The following NOSTRIN variants were observed in gnomAD, a reference collection of about 807,000 sequenced individuals.
The protein encoded by NOSTRIN is BM247 homolog.
NOSTRIN carries 63 observed loss-of-function variants against 59.0 expected under a neutral mutation model. The ratio of observed to expected loss-of-function variants is 1.07; its 90% confidence interval spans 0.87 to 1.32. The LOEUF (loss-of-function observed/expected upper bound fraction) is 1.32, where lower values mean the gene tolerates loss of function less well. Ranked by LOEUF, NOSTRIN falls within the 40% of genes most tolerant of loss-of-function variation. The probability of loss-of-function intolerance (pLI) is 0.00; values close to 1 mark genes in which losing one functional copy is unlikely to be tolerated. For missense variants in NOSTRIN, 512 were observed against 473.1 expected, an observed-to-expected ratio of 1.08 and a Z score of -0.76; for synonymous variants, 200 against 165.4, an observed-to-expected ratio of 1.21 and a Z score of -1.61.
chr2:168,855,338 C>G lies in NOSTRIN; in HGVS notation c.856-14C>G. ...TTCTTCCCCCTTGTTAGACATCCTT[C>G]TTTTTTCCTAAAGGAAGAAGATCCT... On this transcript the variant is annotated splice_polypyrimidine_tract_variant and intron_variant, in intron 10 of 15. Coordinates refer to ENST00000317647, the MANE Select transcript of NOSTRIN (RefSeq NM_001039724.4). 7.0e-7 allele frequency: 1 copy of G among 1,436,302 alleles called. No individual in the cohort carries two copies. The highest frequency in any genetic ancestry group is 9.6e-7 in the Non-Finnish European group (1 of 1,037,586). 89.0% of individuals were successfully genotyped at this position (1,436,302 alleles called of 1,614,324 possible).
intron 2 of NOSTRIN, among the ~76,000 whole-genome samples, chr2:168,821,200 G>T (rs942854907): frequency 1.3e-5 from 2 of 152,186 alleles, no homozygotes; most frequent in Non-Finnish European, 2.9e-5. Context: ...GGAAAGAAAA[G>T]ACCTAAAAAG....
upstream of NOSTRIN, among the ~76,000 whole-genome samples, chr2:168,801,770 C>A (rs1341394429): frequency 6.6e-6 from 1 of 152,096 alleles, no homozygotes; most frequent in Non-Finnish European, 1.5e-5. Context: ...CAACTGGGAC[C>A]ACAGGTACAG....
intron 11 of NOSTRIN, chr2:168,856,305 T>A (rs964325386): frequency 3.7e-5 from 9 of 243,278 alleles, no homozygotes; most frequent in Admixed American, 1.0e-4. Context: ...GGCTGGGTGC[T>A]GTGGCTCACG....
intron 8 of NOSTRIN, among the ~76,000 whole-genome samples, chr2:168,844,603 C>A (rs777443853): frequency 1.1e-4 from 17 of 152,024 alleles, no homozygotes; most frequent in Admixed American, 6.5e-5. Flanking sequence ...TCAGCCTGGG[C>A]GGCACGCCTG....
At chr2:168,834,137 C>T (rs1003123837) in intron 6 of NOSTRIN, 90 bp from the exon 7 acceptor site, 2 of 713,188 alleles carry the variant, frequency 2.8e-6, no homozygotes, top group Non-Finnish European at 5.0e-6. Flanking sequence ...AAAGCTAGCA[C>T]ATGAATGTGC....
chr2:168,835,660 C>T (rs1412831350), intron 7 of NOSTRIN, among the ~76,000 whole-genome samples: 1 of 152,138 alleles, frequency 6.6e-6, no homozygotes, highest in Non-Finnish European at 1.5e-5. Flanking sequence ...ATGTCAATGG[C>T]CACATGTCCC....
At chr2:168,787,476 C>G (rs1452306055) in intron 1 of NOSTRIN, among the ~76,000 whole-genome samples, 3 of 152,188 alleles carry the variant, frequency 2.0e-5, no homozygotes, top group African/African-American at 7.2e-5. Context: ...AAAGCCTTAG[C>G]CTTTGGGAAT....
chr2:168,863,913 T>TTTTA (rs1287429989), intron 15 of NOSTRIN, among the ~76,000 whole-genome samples: 3 of 151,468 alleles, frequency 2.0e-5, no homozygotes, highest in African/African-American at 7.3e-5. Context: ...CGTGATCTTT[T>TTTTA]TTTATTTTTT....
At chr2:168,835,781 C>G (rs1028246334) in intron 7 of NOSTRIN, among the ~76,000 whole-genome samples, 2 of 152,080 alleles carry the variant, frequency 1.3e-5, no homozygotes, top group African/African-American at 4.8e-5. Flanking sequence ...TGTGTGAGCA[C>G]CAGTGTAGAC....
intron 2 of NOSTRIN, 98 bp downstream of exon 2, chr2:168,811,750 T>G (rs1050524676): frequency 3.6e-6 from 2 of 551,098 alleles, no homozygotes; most frequent in African/African-American, 4.0e-5. Flanking sequence ...CTTTCCAGAA[T>G]GTGGTGTTAT....
chr2:168,795,950 C>A (rs1037497503), upstream of NOSTRIN, among the ~76,000 whole-genome samples: 2 of 152,128 alleles, frequency 1.3e-5, no homozygotes, highest in Non-Finnish European at 2.9e-5. Context: ...AAGGCCGAAA[C>A]CCTTAAAAAA....
chr2:168,835,614 C>T lies in NOSTRIN; in HGVS notation c.504+1289C>T, dbSNP rs770209054. 1.6e-4 allele frequency among the ~76,000 whole-genome samples: 25 copies of T among 152,216 alleles called. 1 individual carries two copies. Among genetic ancestry groups the T allele is most frequent in the Non-Finnish European group, 2.9e-4 (20 of 68,018 alleles). On this transcript the variant is annotated intron_variant, in intron 7 of 15. Transcript: ENST00000317647. Reference sequence around the variant, plus strand: ...TTTGTGTATGTTAACCTAACTGGAGCCAGAAAATGTCTGTAAAATCACATG... The same window carrying T: ...TTTGTGTATGTTAACCTAACTGGAGTCAGAAAATGTCTGTAAAATCACATG...
rs772890682 is a variant in NOSTRIN, at chr2:168,828,208, C to A, written c.248C>A (p.Ala83Glu). ...GCCTCAGAGGGAATGAAATCCACAG[C>A]GGACCTGCATCAGTGAGTTCTCCCA... Reference protein sequence around the residue: ...AWASEGMKSTADLHQKLGKAI... With the variant: ...AWASEGMKSTEDLHQKLGKAI... The change falls in exon 4 of 16, where the codon GCG (alanine) becomes GAG (glutamate). Residue 83 changes from alanine to glutamate, a missense_variant. Ala to Glu is a moderately radical substitution (Grantham distance 107). Coordinates refer to ENST00000317647, the MANE Select transcript of NOSTRIN (RefSeq NM_001039724.4). 1.6e-5 allele frequency: 14 copies of A among 872,924 alleles called. No individual in the cohort carries two copies. The highest frequency in any genetic ancestry group is 2.8e-5 in the Non-Finnish European group (14 of 501,680). 54.1% of individuals were successfully genotyped at this position (872,924 alleles called of 1,614,324 possible).
At chr2:168,807,359 C>T (rs928338797) in intron 1 of NOSTRIN, among the ~76,000 whole-genome samples, 1 of 152,122 alleles carries the variant, frequency 6.6e-6, no homozygotes, top group South Asian at 2.1e-4. Context: ...GTTTTTGTCT[C>T]CAAGTCTCAG....
intron 12 of NOSTRIN, chr2:168,859,192 A>C (rs35073023): frequency 0.1 from 22,157 of 219,280 alleles, 1,257 homozygotes; most frequent in Non-Finnish European, 0.13. Flanking sequence ...TACAATCAAC[A>C]CTTATCCCCT....
At chr2:168,808,962 C>T (rs1686004007) in intron 1 of NOSTRIN, among the ~76,000 whole-genome samples, 1 of 152,082 alleles carries the variant, frequency 6.6e-6, no homozygotes. Context: ...ATCTCTATAA[C>T]TTAGGTAGTG....
chr2:168,825,075 T>C (rs1409399635), intron 3 of NOSTRIN, among the ~76,000 whole-genome samples: 2 of 152,184 alleles, frequency 1.3e-5, no homozygotes, highest in East Asian at 1.9e-4. Context: ...TTCTTAAAAA[T>C]AGTAAAAAGT....
intron 8 of NOSTRIN, among the ~76,000 whole-genome samples, chr2:168,848,333 T>A (rs922820762): frequency 2.0e-4 from 30 of 152,250 alleles, no homozygotes; most frequent in Admixed American, 9.8e-4. Flanking sequence ...CTCAGGGGAC[T>A]GCCAGCGTAA....
At chr2:168,826,171 C>T (rs1432986316) in intron 3 of NOSTRIN, among the ~76,000 whole-genome samples, 1 of 152,020 alleles carries the variant, frequency 6.6e-6, no homozygotes, top group Non-Finnish European at 1.5e-5. Context: ...GGAACGAAAG[C>T]TCTGTGAATG....
Sources: allele counts gnomAD v4.1 joint callset (sites outside exome capture counted in the v4.1 genomes callset), GRCh38; gene constraint gnomAD v4.1.1; transcripts MANE v1.5; gene names NCBI Gene and HGNC (gene_info 2026-07-23, HGNC 2026-07-21).